Variants in CTNNA2 observed in about 807,000 individuals in gnomAD.
CTNNA2 encodes catenin alpha 2.
CTNNA2 carries 42 observed loss-of-function variants against 101.0 expected under a neutral mutation model. The observed-to-expected ratio is 0.42, with a 90% confidence interval of 0.32 to 0.54. The LOEUF (loss-of-function observed/expected upper bound fraction) is 0.54. Among genes scored for constraint, CTNNA2 ranks in the 20% least tolerant of loss-of-function variants. The pLI, the probability that CTNNA2 is intolerant of heterozygous loss-of-function variation, is 0.14. For missense variants in CTNNA2, 871 were observed against 1,223.1 expected, an observed-to-expected ratio of 0.71 and a Z score of 4.29; for synonymous variants, 450 against 456.4, an observed-to-expected ratio of 0.99 and a Z score of 0.18.
intron 2 of CTNNA2, among the ~76,000 whole-genome samples, chr2:79,215,318 C>T (rs1386652567): frequency 2.6e-5 from 4 of 152,130 alleles, no homozygotes; most frequent in Non-Finnish European, 5.9e-5. Context: ...AACGCCTGGC[C>T]ACTGCGGTTC....
chr2:79,345,692 T>A (rs1677245772), intron 3 of CTNNA2, among the ~76,000 whole-genome samples: 1 of 152,066 alleles, frequency 6.6e-6, no homozygotes. Context: ...TTGTTTTTTG[T>A]GGGTTGTTTG....
chr2:79,335,384 G>T (rs181081983), intron 3 of CTNNA2, among the ~76,000 whole-genome samples: 1 of 152,142 alleles, frequency 6.6e-6, no homozygotes, highest in African/African-American at 2.4e-5. Context: ...CAGTGACTAA[G>T]CCAGATCTAG....
chr2:79,430,348 A>G (rs1025333134), intron 4 of CTNNA2, among the ~76,000 whole-genome samples: 1 of 152,110 alleles, frequency 6.6e-6, no homozygotes, highest in Non-Finnish European at 1.5e-5. Flanking sequence ...ACAAGCTCTC[A>G]TTTTTCTAGG....
chr2:79,816,749 A>G (rs1677534233), intron 3 of CTNNA2, among the ~76,000 whole-genome samples: 1 of 152,194 alleles, frequency 6.6e-6, no homozygotes, highest in Admixed American at 6.5e-5. Context: ...GTCAGACACT[A>G]TTCTAAGTAC....
chr2:79,501,526 A>G (rs1671319598), intron 4 of CTNNA2, among the ~76,000 whole-genome samples: 1 of 152,214 alleles, frequency 6.6e-6, no homozygotes, highest in African/African-American at 2.4e-5. Flanking sequence ...GATGATGACT[A>G]CTAAAGACTG....
At position 79,658,844 on chromosome 2, in the gene CTNNA2, C is replaced by G. The variant is rs145426958; in HGVS notation, c.102+7186C>G. Reference sequence around the variant, plus strand: ...TAATCATTTCCAGTATTATTTTGAGCAATGTTCGTGGGGCCCTGTGAAATT... The same window carrying G: ...TAATCATTTCCAGTATTATTTTGAGGAATGTTCGTGGGGCCCTGTGAAATT... On this transcript the variant is annotated intron_variant, in intron 2 of 18. Transcript: ENST00000402739. Among the ~76,000 whole-genome samples, 14 of 152,070 alleles carry G rather than the reference C, an allele frequency of 9.2e-5. No individual in the cohort carries two copies. The East Asian group carries it at 2.7e-3, about 29-fold the overall frequency.
intron 2 of CTNNA2, among the ~76,000 whole-genome samples, chr2:79,311,334 G>A (rs1448049611): frequency 2.7e-5 from 4 of 150,140 alleles, no homozygotes; most frequent in Non-Finnish European, 4.4e-5. Context: ...GCGTGAACCC[G>A]GGAAGCGGAG....
chr2:80,240,079 A>T (rs1455286266), intron 7 of CTNNA2, among the ~76,000 whole-genome samples: 1 of 152,202 alleles, frequency 6.6e-6, no homozygotes, highest in Non-Finnish European at 1.5e-5. Flanking sequence ...ATAAGTGGGG[A>T]CTACCATATG....
intron 18 of CTNNA2, among the ~76,000 whole-genome samples, chr2:80,621,849 T>A (rs1402927084): frequency 6.6e-6 from 1 of 151,852 alleles, no homozygotes; most frequent in African/African-American, 2.4e-5. Flanking sequence ...GACTTGGAAG[T>A]GAATACAGTA....
At chr2:80,429,546 C>T (rs1000629016) in intron 9 of CTNNA2, among the ~76,000 whole-genome samples, 3 of 152,254 alleles carry the variant, frequency 2.0e-5, no homozygotes, top group Non-Finnish European at 4.4e-5. Context: ...CAGTTTCTGT[C>T]CCCAAAGTAA....
chr2:80,517,664 A>C (rs1166434288), intron 9 of CTNNA2, among the ~76,000 whole-genome samples: 2 of 152,168 alleles, frequency 1.3e-5, no homozygotes, highest in Non-Finnish European at 2.9e-5. Context: ...TTGTAGAGAG[A>C]ATGTCTAGAG....
intron 3 of CTNNA2, among the ~76,000 whole-genome samples, chr2:79,354,539 T>C (rs1677463094): frequency 6.6e-6 from 1 of 152,168 alleles, no homozygotes; most frequent in Admixed American, 6.6e-5. Flanking sequence ...TCAATTTTGT[T>C]CTCTCTTAAA....
rs576367174 is a variant in CTNNA2 at position 79,728,827 on chromosome 2, T to C, written c.103-15560T>C. ...AGTTTTCCCAGCACCATATATTAAA[T>C]AGGGAATCCTTTCCCCATTGCTTGT... On this transcript the variant is annotated intron_variant, in intron 2 of 18. Transcript: ENST00000402739. 3.3e-5 allele frequency among the ~76,000 whole-genome samples: 5 copies of C among 152,344 alleles called. No homozygotes were observed. The South Asian group carries it at 1.0e-3, about 32-fold the overall frequency.
chr2:80,035,192 C>G (rs985833947), intron 7 of CTNNA2, among the ~76,000 whole-genome samples: 8 of 152,076 alleles, frequency 5.3e-5, no homozygotes, highest in Admixed American at 4.6e-4. Context: ...GTGTGTGTAG[C>G]AGGTTGACTT....
intron 7 of CTNNA2, among the ~76,000 whole-genome samples, chr2:80,102,393 A>G (rs925053490): frequency 4.6e-5 from 7 of 152,188 alleles, no homozygotes; most frequent in African/African-American, 1.2e-4. Context: ...AATCTGGCCA[A>G]TGCTTCACCC....
At chr2:79,196,381 C>T (rs1386533499) in intron 1 of CTNNA2, among the ~76,000 whole-genome samples, 1 of 152,132 alleles carries the variant, frequency 6.6e-6, no homozygotes, top group African/African-American at 2.4e-5. Flanking sequence ...TGAAAAAAAT[C>T]AATTTTGCTC....
In CTNNA2 at chr2:80,647,830, T is replaced by C. The variant is rs1471594239; in HGVS notation, c.2820T>C (p.Pro940=). The C allele has an allele frequency of 6.2e-7, 1 of 1,612,928 alleles. No homozygotes were observed. The highest frequency in any genetic ancestry group is 8.5e-7 in the Non-Finnish European group (1 of 1,179,266). The change falls in exon 19 of 19, where the codon CCT becomes CCC. Residue 940 remains proline (P), a synonymous_variant. Coordinates refer to ENST00000402739, the MANE Select transcript of CTNNA2 (RefSeq NM_001282597.3). ...GTTCTCAGAAGAAACACATTTCGCCTGTACAGGCTTTAAGTGAATTCAAAG... is the reference window on the plus strand; with the variant it reads ...GTTCTCAGAAGAAACACATTTCGCCCGTACAGGCTTTAAGTGAATTCAAAG... ...RRGSQKKHIS[P]VQALSEFKAM... is the part of the protein sequence containing the mutation.
At chr2:79,854,604 C>G (rs1680984174) in intron 3 of CTNNA2, among the ~76,000 whole-genome samples, 1 of 152,156 alleles carries the variant, frequency 6.6e-6, no homozygotes, top group African/African-American at 2.4e-5. Context: ...ATATAATAAG[C>G]CTTTATATAG....
At chr2:79,245,544 C>A (rs1043613681) in intron 2 of CTNNA2, among the ~76,000 whole-genome samples, 1 of 152,140 alleles carries the variant, frequency 6.6e-6, no homozygotes, top group African/African-American at 2.4e-5. Context: ...GGGCCTGGAC[C>A]CAGACCCTCC....
Sources: gnomAD v4.1 joint callset for allele counts (sites outside exome capture counted in the v4.1 genomes callset) on GRCh38, gnomAD v4.1.1 for gene constraint, MANE v1.5 for transcripts, NCBI Gene and HGNC (gene_info 2026-07-23, HGNC 2026-07-21) for gene names.